Variants in BRDT observed in about 807,000 individuals in gnomAD.
BRDT encodes the protein bromodomain testis associated.
In BRDT, 77 loss-of-function variants were observed where a neutral mutation model predicts 113.9. The ratio of observed to expected loss-of-function variants is 0.68; its 90% CI spans 0.56 to 0.82. The LOEUF is 0.82. Ranked by LOEUF, BRDT falls within the 40% of genes least tolerant of loss-of-function variation. The probability of loss-of-function intolerance (pLI) is 0.00; values close to 1 mark genes in which losing one functional copy is unlikely to be tolerated. For synonymous variants in BRDT, 358 were observed against 366.5 expected (o/e 0.98, Z 0.26); for missense variants, 1,027 against 1,105.4 (o/e 0.93, Z 1.01).
chr1:91,977,758 A>G (rs1684297269), intron 6 of BRDT, among the ~76,000 whole-genome samples: 1 of 150,984 alleles, frequency 6.6e-6, no homozygotes, highest in Admixed American at 6.6e-5. Context: ...CGTTCCAGCT[A>G]CTCCAGAGGC....
intron 12 of BRDT, among the ~76,000 whole-genome samples, chr1:91,984,340 A>C (rs1685001276): frequency 6.6e-6 from 1 of 152,134 alleles, no homozygotes; most frequent in Non-Finnish European, 1.5e-5. Flanking sequence ...GGGAACAACA[A>C]CACACACAAA....
chr1:91,977,512 C>A (rs1330810868), intron 6 of BRDT, 119 bp downstream of exon 6: 3 of 874,442 alleles, frequency 3.4e-6, no homozygotes, highest in Non-Finnish European at 5.1e-6. Context: ...CCAAGTCACA[C>A]TATCTGGAGT....
chr1:91,997,091 T>C (rs1686415038), intron 15 of BRDT, among the ~76,000 whole-genome samples: 1 of 151,164 alleles, frequency 6.6e-6, no homozygotes, highest in South Asian at 2.1e-4. Flanking sequence ...AAAGAAAAAA[T>C]AGTGTAATAA....
intron 15 of BRDT, among the ~76,000 whole-genome samples, chr1:91,999,091 G>A (rs1686602909): frequency 6.6e-6 from 1 of 152,084 alleles, no homozygotes; most frequent in Non-Finnish European, 1.5e-5. Context: ...CCAGAGAAGG[G>A]AAGGAGACCA....
At chr1:92,003,415 G>A (rs6696133) in intron 16 of BRDT, among the ~76,000 whole-genome samples, 6 of 152,124 alleles carry the variant, frequency 3.9e-5, no homozygotes, top group South Asian at 4.1e-4. Flanking sequence ...CCCTCTTTCC[G>A]TATTATAGAT....
intron 18 of BRDT, among the ~76,000 whole-genome samples, chr1:92,007,591 T>G (rs1254235066): frequency 6.6e-6 from 1 of 152,232 alleles, no homozygotes. Flanking sequence ...ACAGAGCATT[T>G]TTTTAGTCCA....
At chr1:92,003,665 T>C (rs774429436) in intron 16 of BRDT, among the ~76,000 whole-genome samples, 2 of 152,234 alleles carry the variant, frequency 1.3e-5, no homozygotes, top group Non-Finnish European at 2.9e-5. Flanking sequence ...AATCTAATTA[T>C]AGATCAATTG....
intron 12 of BRDT, among the ~76,000 whole-genome samples, chr1:91,985,236 A>G: frequency 6.6e-6 from 1 of 151,512 alleles, no homozygotes; most frequent in East Asian, 2.0e-4. Context: ...CTAATTTTTT[A>G]TTTTTAGTAG....
chr1:91,990,461 G>T (rs866398208), intron 12 of BRDT, among the ~76,000 whole-genome samples: 38 of 152,186 alleles, frequency 2.5e-4, no homozygotes, highest in Middle Eastern at 3.4e-3. Context: ...TTTAAATTAA[G>T]CCTCTTAGGG....
At chr1:92,008,622 G>C (rs1027825453) in intron 18 of BRDT, among the ~76,000 whole-genome samples, 1 of 152,122 alleles carries the variant, frequency 6.6e-6, no homozygotes, top group Non-Finnish European at 1.5e-5. Flanking sequence ...GTTCCTTACG[G>C]AATAGTTTTC....
chr1:91,981,892 G>T (rs2101682117), intron 12 of BRDT, 137 bp downstream of exon 12: 1 of 1,202,592 alleles, frequency 8.3e-7, no homozygotes. Context: ...TTAATTGCAT[G>T]TTGACAATCT....
chr1:91,969,365 T>C (rs1024199491), intron 4 of BRDT, among the ~76,000 whole-genome samples: 5 of 150,952 alleles, frequency 3.3e-5, no homozygotes, highest in African/African-American at 1.2e-4. Flanking sequence ...TTTTTATTGG[T>C]ACTAATATAT....
intron 17 of BRDT, 48 bp downstream of exon 17, chr1:92,004,667 A>G: frequency 6.9e-7 from 1 of 1,446,652 alleles, no homozygotes; most frequent in Non-Finnish European, 9.3e-7. Context: ...TATAGAATGT[A>G]TTTTAAATAC....
intron 13 of BRDT, 66 bp from the exon 14 acceptor site, chr1:91,992,198 A>C (rs1185809519): frequency 1.3e-5 from 12 of 904,028 alleles, no homozygotes; most frequent in African/African-American, 1.8e-5. Context: ...ATTTGTGAAA[A>C]AGAAATATAA....
At chr1:91,994,996 A>G (rs1328737709) in intron 15 of BRDT, among the ~76,000 whole-genome samples, 1 of 152,138 alleles carries the variant, frequency 6.6e-6, no homozygotes, top group East Asian at 1.9e-4. Flanking sequence ...ATACTTGCCT[A>G]AGGGTAGTTC....
chr1:91,952,886 C>A (rs565625223), intron 1 of BRDT, among the ~76,000 whole-genome samples: 1 of 151,678 alleles, frequency 6.6e-6, no homozygotes, highest in South Asian at 2.1e-4. Context: ...GTGCCTCATC[C>A]TTAGACTGAA....
rs111956895 is a variant in BRDT at position 91,949,594 on chromosome 1, T to A, written c.-126T>A. ...GGCCTTGGGTGGGAACAACCGTTTT[T>A]TCCCCCCTCTCCCCTCCCCGACCCC... is the stretch of plus-strand genomic sequence containing the variant. On this transcript the variant is annotated 5_prime_UTR_variant, in exon 1 of 19. Transcript: ENST00000399546. 1 of 152,272 alleles carries A rather than the reference T, an allele frequency of 6.6e-6. No individual in the cohort carries two copies. The highest frequency in any genetic ancestry group is 1.5e-5 in the Non-Finnish European group (1 of 68,158). The allele number at this position is 152,272 out of a possible 1,614,324, so 9.4% of individuals were successfully genotyped here. A position where few individuals can be genotyped will look rare whatever the true frequency, so the allele number is the denominator to read the frequency against.
intron 18 of BRDT, among the ~76,000 whole-genome samples, chr1:92,005,834 C>T (rs1332585097): frequency 1.3e-5 from 2 of 152,230 alleles, no homozygotes; most frequent in Non-Finnish European, 2.9e-5. Flanking sequence ...GTTTAAAAAT[C>T]TGTAAACCAC....
At chr1:91,987,479 G>T (rs1685357386) in intron 12 of BRDT, among the ~76,000 whole-genome samples, 1 of 151,480 alleles carries the variant, frequency 6.6e-6, no homozygotes, top group South Asian at 2.1e-4. Context: ...AGCTACAGGT[G>T]CACACCACCA....
Sources: allele counts gnomAD v4.1 joint callset (sites outside exome capture counted in the v4.1 genomes callset), GRCh38; gene constraint gnomAD v4.1.1; transcripts MANE v1.5; gene names NCBI Gene and HGNC (gene_info 2026-07-23, HGNC 2026-07-21).